The following RABGEF1 variants were observed in gnomAD, a reference collection of about 807,000 sequenced individuals.
RABGEF1 encodes the protein rab5 GDP/GTP exchange factor.
A neutral mutation model predicts 57.3 loss-of-function variants in RABGEF1; 26 were observed. The ratio of observed to expected loss-of-function variants is 0.45; its 90% CI spans 0.33 to 0.63. RABGEF1 has a LOEUF of 0.63. Ranked by LOEUF, RABGEF1 falls within the 20% of genes least tolerant of loss-of-function variation. The pLI, the probability that RABGEF1 is intolerant of heterozygous loss-of-function variation, is 0.02. For missense variants in RABGEF1, 464 were observed against 607.6 expected (o/e 0.76, Z 2.48); for synonymous variants, 185 against 210.7 (o/e 0.88, Z 1.06).
At chr7:66,655,140 A>T in the RABGEF1 span, among the ~76,000 whole-genome samples, 2 of 151,976 alleles carry the variant, frequency 1.3e-5, no homozygotes, top group Admixed American at 6.6e-5. Flanking sequence ...CCCTGGGGGG[A>T]CAGAAGCGTC....
In RABGEF1 at chr7:66,744,378, A is replaced by C. The variant is rs1395594729; in HGVS notation, c.-18+3586A>C. On this transcript the variant is annotated intron_variant, in intron 1 of 8. Coordinates refer to ENST00000284957, the MANE Select transcript of RABGEF1 (RefSeq NM_014504.3). ...CAAGACTGCATCTCTACAAAAAAAA[A>C]AAAAAGATAGCCGGGCGCAGTGGCT... Among the ~76,000 whole-genome samples, 3 of 151,902 alleles carry C rather than the reference A, an allele frequency of 2.0e-5. No homozygotes were observed. The East Asian group carries it at 5.8e-4, about 29-fold the overall frequency.
intron 1 of RABGEF1, among the ~76,000 whole-genome samples, chr7:66,682,548 C>G (rs1044633261): frequency 5.3e-5 from 8 of 152,230 alleles, no homozygotes; most frequent in Admixed American, 1.3e-4. Flanking sequence ...ACTTCCTGGC[C>G]GCCTCCCTGT....
chr7:66,713,787 TATTG>T (rs1255230968), intron 2 of RABGEF1, among the ~76,000 whole-genome samples: 1 of 152,236 alleles, frequency 6.6e-6, no homozygotes, highest in East Asian at 1.9e-4. Context: ...GATATGATCA[TATTG>T]ATATATTGAT....
At chr7:66,697,677 TG>T (rs1378527921) in intron 1 of RABGEF1, among the ~76,000 whole-genome samples, 2 of 151,438 alleles carry the variant, frequency 1.3e-5, no homozygotes, top group Non-Finnish European at 2.9e-5. Context: ...CGGGGGTAGC[TG>T]GGGCTGGGGG....
At chr7:66,667,423 A>C in the RABGEF1 span, 1 of 152,252 alleles carries the variant, frequency 6.6e-6, no homozygotes, top group Non-Finnish European at 1.5e-5. Flanking sequence ...GGGCCAAGGG[A>C]AAGTCCAGAG....
the RABGEF1 span, among the ~76,000 whole-genome samples, chr7:66,674,486 C>T: frequency 3.9e-5 from 6 of 152,034 alleles, no homozygotes; most frequent in African/African-American, 1.2e-4. Flanking sequence ...CTGCGCCCGT[C>T]CTAAAGGTCT....
intron 3 of RABGEF1, among the ~76,000 whole-genome samples, chr7:66,778,270 G>A (rs745437331): frequency 6.6e-6 from 1 of 151,190 alleles, no homozygotes; most frequent in Non-Finnish European, 1.5e-5. Context: ...TATGCCATAC[G>A]TAGCAGCTTG....
chr7:66,698,680 C>T (rs1418596031), intron 1 of RABGEF1, among the ~76,000 whole-genome samples: 2 of 152,136 alleles, frequency 1.3e-5, no homozygotes, highest in Non-Finnish European at 2.9e-5. Flanking sequence ...GCATTGTCCC[C>T]CTCCTCCAGG....
intron 8 of RABGEF1, among the ~76,000 whole-genome samples, chr7:66,808,249 T>G (rs1290029237): frequency 6.6e-6 from 1 of 151,340 alleles, no homozygotes; most frequent in African/African-American, 2.4e-5. Context: ...ACAGTCTTGC[T>G]CTGTCACCCA....
intron 1 of RABGEF1, among the ~76,000 whole-genome samples, chr7:66,759,744 CAG>C (rs1306084967): frequency 2.0e-5 from 3 of 152,260 alleles, no homozygotes; most frequent in African/African-American, 4.8e-5. Flanking sequence ...CACAGAACCA[CAG>C]GGGATGGTGC....
intron 1 of RABGEF1, among the ~76,000 whole-genome samples, chr7:66,756,279 T>C (rs1802692742): frequency 6.6e-6 from 1 of 152,240 alleles, no homozygotes; most frequent in African/African-American, 2.4e-5. Flanking sequence ...TAAAGTTCGA[T>C]AATGCTATGC....
the RABGEF1 span, among the ~76,000 whole-genome samples, chr7:66,667,118 G>C: frequency 3.9e-5 from 6 of 152,328 alleles, no homozygotes; most frequent in East Asian, 9.6e-4. Flanking sequence ...AGCCCAGGGA[G>C]GGTGGAGCAT....
upstream of RABGEF1, among the ~76,000 whole-genome samples, chr7:66,737,443 A>AG (rs1168180146): frequency 1.8e-4 from 25 of 139,368 alleles, no homozygotes; most frequent in African/African-American, 3.0e-4. Context: ...GAGACTGGGT[A>AG]GGGGGGGGCA....
intron 1 of RABGEF1, among the ~76,000 whole-genome samples, chr7:66,741,115 C>T (rs1798837078): frequency 6.6e-6 from 1 of 152,034 alleles, no homozygotes; most frequent in Non-Finnish European, 1.5e-5. Flanking sequence ...CCTCCCTCTC[C>T]GGCGGCTCCC....
chr7:66,781,471 C>G (rs1809887805), intron 3 of RABGEF1, among the ~76,000 whole-genome samples: 1 of 152,178 alleles, frequency 6.6e-6, no homozygotes, highest in South Asian at 2.1e-4. Flanking sequence ...ATCAACCCAT[C>G]ACCTACGTTA....
chr7:66,795,489 C>T (rs1813813785), intron 4 of RABGEF1, 22 bp from the exon 5 acceptor site: 4 of 1,573,566 alleles, frequency 2.5e-6, no homozygotes, highest in South Asian at 1.1e-5. Flanking sequence ...CTACAAGCAG[C>T]CTCTTTGTCT....
chr7:66,697,278 G>A (rs1414088614), intron 1 of RABGEF1, among the ~76,000 whole-genome samples: 1 of 152,188 alleles, frequency 6.6e-6, no homozygotes, highest in Admixed American at 6.5e-5. Flanking sequence ...CCTGGAGAAT[G>A]GGGCCTCAGC....
At chr7:66,780,022 C>T (rs754505390) in intron 3 of RABGEF1, among the ~76,000 whole-genome samples, 15 of 152,134 alleles carry the variant, frequency 9.9e-5, no homozygotes, top group Non-Finnish European at 8.8e-5. Flanking sequence ...TAGAGTTAAT[C>T]CTCATTTACA....
intron 2 of RABGEF1, among the ~76,000 whole-genome samples, chr7:66,735,593 T>C (rs138373606): frequency 8.5e-5 from 13 of 152,266 alleles, no homozygotes; most frequent in African/African-American, 2.6e-4. Flanking sequence ...GACAGGATCA[T>C]TGTGGGGGGG....
Sources: gnomAD v4.1 joint callset for allele counts (sites outside exome capture counted in the v4.1 genomes callset) on GRCh38, gnomAD v4.1.1 for gene constraint, MANE v1.5 for transcripts, NCBI Gene and HGNC (gene_info 2026-07-23, HGNC 2026-07-21) for gene names.